Variants in RASEF observed in about 807,000 individuals in gnomAD.
RASEF encodes the protein RAS and EF-hand domain containing.
RASEF carries 68 observed loss-of-function variants against 90.1 expected under a neutral mutation model. The observed-to-expected ratio is 0.75, with a 90% CI of 0.62 to 0.92. The LOEUF (loss-of-function observed/expected upper bound fraction) is 0.92, where lower values mean the gene tolerates loss of function less well. Among genes scored for constraint, RASEF ranks in the 40% least tolerant of loss-of-function variants. RASEF has a pLI of 0.00. For missense variants in RASEF, 949 were observed against 937.2 expected (o/e 1.01, Z -0.16); for synonymous variants, 331 against 345.2 (o/e 0.96, Z 0.46).
chr9:83,010,793 A>G (rs1440939737), intron 5 of RASEF, among the ~76,000 whole-genome samples: 2 of 152,108 alleles, frequency 1.3e-5, no homozygotes, highest in African/African-American at 2.4e-5. Flanking sequence ...TCACACACAG[A>G]GCTCCTTGGA....
intron 1 of RASEF, chr9:83,055,802 A>C (rs562488182): frequency 3.2e-6 from 2 of 619,878 alleles, no homozygotes; most frequent in African/African-American, 1.8e-5. Context: ...AAAACTCCCA[A>C]AGATATATGT....
chr9:83,003,055 G>A (rs10780564), intron 9 of RASEF, among the ~76,000 whole-genome samples: 92,496 of 151,960 alleles, frequency 0.61, 28,865 homozygotes, highest in East Asian at 0.78. Context: ...GAGTTCTTGC[G>A]AAGAACAAAG....
At chr9:82,997,633 C>T (rs1828946504) in intron 13 of RASEF, among the ~76,000 whole-genome samples, 1 of 152,126 alleles carries the variant, frequency 6.6e-6, no homozygotes, top group African/African-American at 2.4e-5. Context: ...AAGAGAACAC[C>T]TCAACACACA....
At chr9:83,071,393 CTT>C in the RASEF span, among the ~76,000 whole-genome samples, 18 of 151,984 alleles carry the variant, frequency 1.2e-4, no homozygotes, top group African/African-American at 4.3e-4. Flanking sequence ...TGTTTTTGCT[CTT>C]TCATTCTGTT....
the RASEF span, among the ~76,000 whole-genome samples, chr9:83,199,596 C>A: frequency 1.3e-5 from 2 of 152,174 alleles, no homozygotes; most frequent in Non-Finnish European, 2.9e-5. Context: ...TTTCCACATC[C>A]AAATCAGTGG....
chr9:83,150,912 G>A, the RASEF span, among the ~76,000 whole-genome samples: 601 of 152,152 alleles, frequency 4.0e-3, 8 homozygotes, highest in African/African-American at 0.013. Context: ...TTAACTCTCC[G>A]TATGAATGTA....
intron 1 of RASEF, among the ~76,000 whole-genome samples, chr9:83,036,673 T>C (rs1490967465): frequency 1.3e-5 from 2 of 152,142 alleles, no homozygotes; most frequent in Non-Finnish European, 2.9e-5. Flanking sequence ...GACAACAAAA[T>C]GGAACGTGGT....
rs1828578656 is a variant in RASEF, at chr9:82,980,475, C to T, written c.*2202G>A. On this transcript the variant is annotated 3_prime_UTR_variant, in exon 17 of 17. Coordinates refer to ENST00000376447, the MANE Select transcript of RASEF (RefSeq NM_152573.4). ...TGACCATCAAAGGCACTGGTGTAATCTCATCAACGTGGCTATACTGACAGG... is the reference window on the plus strand; with the variant it reads ...TGACCATCAAAGGCACTGGTGTAATTTCATCAACGTGGCTATACTGACAGG... 3 of 152,134 alleles carry T rather than the reference C, an allele frequency of 2.0e-5. No individual in the cohort carries two copies. In the South Asian group the frequency reaches 6.2e-4, roughly 32 times the overall value. 9.4% of individuals were successfully genotyped at this position (152,134 alleles called of 1,614,324 possible). A position where few individuals can be genotyped will look rare whatever the true frequency, so the allele number is the denominator to read the frequency against.
At chr9:82,984,403 T>A (rs1043868556) in intron 16 of RASEF, among the ~76,000 whole-genome samples, 1 of 152,144 alleles carries the variant, frequency 6.6e-6, no homozygotes, top group Non-Finnish European at 1.5e-5. Flanking sequence ...AAGGTGCTGA[T>A]AAATCCTACC....
At chr9:83,203,035 A>G in the RASEF span, among the ~76,000 whole-genome samples, 1 of 152,192 alleles carries the variant, frequency 6.6e-6, no homozygotes. Flanking sequence ...TAATTGTTAA[A>G]GCTAGCAAAA....
At chr9:83,186,152 A>T in the RASEF span, among the ~76,000 whole-genome samples, 2 of 152,198 alleles carry the variant, frequency 1.3e-5, no homozygotes, top group African/African-American at 4.8e-5. Flanking sequence ...TTACAAAAAC[A>T]AGTAGCTTCT....
chr9:83,152,011 G>A, the RASEF span, among the ~76,000 whole-genome samples: 2 of 152,182 alleles, frequency 1.3e-5, no homozygotes, highest in Admixed American at 1.3e-4. Context: ...TTGTGCTGGT[G>A]TTTGTCAGTA....
At chr9:83,137,043 T>A in the RASEF span, among the ~76,000 whole-genome samples, 8 of 152,146 alleles carry the variant, frequency 5.3e-5, no homozygotes, top group South Asian at 1.4e-3. Context: ...GAGATTTTTA[T>A]ATGTACTTCT....
upstream of RASEF, among the ~76,000 whole-genome samples, chr9:83,067,154 C>T (rs180680260): frequency 6.6e-5 from 10 of 152,286 alleles, no homozygotes; most frequent in East Asian, 5.8e-4. Flanking sequence ...CATGACTTAA[C>T]ACTGCAGTTA....
At chr9:83,158,087 C>T in the RASEF span, among the ~76,000 whole-genome samples, 12 of 152,052 alleles carry the variant, frequency 7.9e-5, no homozygotes, top group Non-Finnish European at 1.6e-4. Context: ...TTTGAGTCCA[C>T]GTTTTTCTGT....
the RASEF span, among the ~76,000 whole-genome samples, chr9:83,174,591 T>C: frequency 6.6e-6 from 1 of 152,170 alleles, no homozygotes. Context: ...TTCTCCAACT[T>C]TGTTATTCTT....
At chr9:83,080,068 G>T in the RASEF span, among the ~76,000 whole-genome samples, 1 of 152,026 alleles carries the variant, frequency 6.6e-6, no homozygotes, top group African/African-American at 2.4e-5. Flanking sequence ...AAAATAATTC[G>T]GAATAAACAA....
chr9:83,080,418 C>T, the RASEF span, among the ~76,000 whole-genome samples: 1 of 152,142 alleles, frequency 6.6e-6, no homozygotes, highest in Non-Finnish European at 1.5e-5. Context: ...TGGTCTTTGC[C>T]CCACCCCAGG....
At position 83,000,963 on chromosome 9, in the gene RASEF, T is replaced by C; in HGVS notation, c.1370A>G (p.His457Arg). The C allele has an allele frequency of 6.2e-7, 1 of 1,614,152 alleles. No individual in the cohort carries two copies. The highest frequency in any genetic ancestry group is 8.5e-7 in the Non-Finnish European group (1 of 1,180,038). ...NEYDSEVEYK[H>R]QRGFQRSHGV... ...GTGTGACCTCTGAAATCCCCTCTGG[T>C]GCTTGTATTCCACTTCTGAGTCATA... Residue 457 changes from histidine to arginine, a missense_variant, in exon 10 of 17, where the codon CAC becomes CGC. By Grantham distance (29) the His-to-Arg change is conservative (BLOSUM62 0). This residue lies in a region of RASEF where 5 missense variants were observed against 16.7 expected (regional missense o/e 0.30). Transcript: ENST00000376447.
Sources: gnomAD v4.1 joint callset for allele counts (sites outside exome capture counted in the v4.1 genomes callset) on GRCh38, gnomAD v4.1.1 for gene constraint, gnomAD v4.1.1 regional missense constraint, MANE v1.5 for transcripts, NCBI Gene and HGNC (gene_info 2026-07-23, HGNC 2026-07-21) for gene names.